The following POU6F2 variants were observed in gnomAD, a reference collection of about 807,000 sequenced individuals.
The protein encoded by POU6F2 is POU class 6 homeobox 2.
POU6F2 carries 31 observed loss-of-function variants against 71.3 expected under a neutral mutation model. The observed-to-expected ratio is 0.43, with a 90% CI of 0.33 to 0.59. The LOEUF (loss-of-function observed/expected upper bound fraction) is 0.59. Among genes scored for constraint, POU6F2 ranks in the 20% least tolerant of loss-of-function variants. The probability of loss-of-function intolerance (pLI) is 0.04; values close to 1 mark genes in which losing one functional copy is unlikely to be tolerated. For missense variants in POU6F2, 783 were observed against 856.8 expected, an observed-to-expected ratio of 0.91 and a Z score of 1.07; for synonymous variants, 347 against 355.7, an observed-to-expected ratio of 0.98 and a Z score of 0.27.
At chr7:39,454,657 TATATATATATATATATATA>T (rs1788743801) in intron 8 of POU6F2, among the ~76,000 whole-genome samples, 1 of 260 alleles carries the variant, frequency 3.8e-3, no homozygotes, top group African/African-American at 8.9e-3. Flanking sequence ...AGACCAGGGA[TATATATATATATATATATA>T]TATATATATA....
chr7:39,432,593 A>C (rs947321299), intron 6 of POU6F2, among the ~76,000 whole-genome samples: 4 of 151,984 alleles, frequency 2.6e-5, no homozygotes, highest in African/African-American at 9.7e-5. Flanking sequence ...CCCTCCCCCG[A>C]CATTGAGAGA....
chr7:39,106,762 T>A (rs1791697026), intron 2 of POU6F2, among the ~76,000 whole-genome samples: 1 of 152,220 alleles, frequency 6.6e-6, no homozygotes, highest in Admixed American at 6.5e-5. Flanking sequence ...AGAAAGGATA[T>A]GCAAATTTAT....
chr7:39,270,600 G>A (rs932666338), intron 4 of POU6F2, among the ~76,000 whole-genome samples: 4 of 152,168 alleles, frequency 2.6e-5, no homozygotes, highest in Non-Finnish European at 5.9e-5. Flanking sequence ...GTAATGAAGT[G>A]TATGTGGGGC....
At chr7:39,421,162 T>C (rs947936605) in intron 6 of POU6F2, among the ~76,000 whole-genome samples, 4 of 152,110 alleles carry the variant, frequency 2.6e-5, no homozygotes, top group African/African-American at 9.7e-5. Flanking sequence ...GAAAAACTCA[T>C]CAGCGTAATT....
At chr7:39,015,602 ATGTT>A (rs1789467960) in intron 1 of POU6F2, among the ~76,000 whole-genome samples, 7 of 58,278 alleles carry the variant, frequency 1.2e-4, no homozygotes, top group African/African-American at 5.7e-5. Context: ...AGATATATCT[ATGTT>A]TTATATAGAT....
At chr7:39,157,890 G>C (rs1792904344) in intron 2 of POU6F2, among the ~76,000 whole-genome samples, 2 of 152,160 alleles carry the variant, frequency 1.3e-5, no homozygotes, top group Non-Finnish European at 2.9e-5. Context: ...TAATAAAGCA[G>C]TAAAAATGAA....
rs763410633 is a variant in POU6F2, at chr7:39,339,925, A to G, written c.882A>G (p.Pro294=). 4 of 1,613,668 alleles carry G rather than the reference A, an allele frequency of 2.5e-6. No individual in the cohort carries two copies. Among genetic ancestry groups the G allele is most frequent in the Admixed American group, 3.3e-5 (2 of 59,986 alleles). ...CCCAGAACCAGAACCAACCATCTCC[A>G]ACCCAGCAGAGCTCCAGCCCCCCGC... The part of the protein sequence containing the change: ...SHSQNQNQPS[P]TQQSSSPPQK... Residue 294 remains proline (P), a synonymous_variant, in exon 5 of 10, where the codon CCA becomes CCG. Transcript: ENST00000518318.
intron 1 of POU6F2, among the ~76,000 whole-genome samples, chr7:39,073,930 T>G (rs1462210816): frequency 6.6e-6 from 1 of 152,258 alleles, no homozygotes; most frequent in African/African-American, 2.4e-5. Flanking sequence ...AGATACTGTT[T>G]TAATTCAGAG....
At chr7:39,283,045 G>T (rs914131349) in intron 4 of POU6F2, among the ~76,000 whole-genome samples, 1 of 151,924 alleles carries the variant, frequency 6.6e-6, no homozygotes, top group African/African-American at 2.4e-5. Context: ...TGGAACTATT[G>T]TTAACGGGAT....
chr7:39,392,673 A>G (rs2115839220), intron 5 of POU6F2, among the ~76,000 whole-genome samples: 1 of 152,302 alleles, frequency 6.6e-6, no homozygotes, highest in Non-Finnish European at 1.5e-5. Context: ...ACATTTTGAG[A>G]ACCACGGATG....
At chr7:39,407,979 T>G (rs1787475059) in intron 6 of POU6F2, among the ~76,000 whole-genome samples, 1 of 152,222 alleles carries the variant, frequency 6.6e-6, no homozygotes, top group African/African-American at 2.4e-5. Flanking sequence ...ACAGTAACCT[T>G]TCAATGTCTG....
At chr7:39,171,223 A>G (rs879557283) in intron 2 of POU6F2, among the ~76,000 whole-genome samples, 1 of 151,822 alleles carries the variant, frequency 6.6e-6, no homozygotes, top group African/African-American at 2.4e-5. Context: ...CTGGTGTATG[A>G]TGTTCCCGTC....
In POU6F2 at chr7:39,249,800, C is replaced by T. The variant is rs116294546; in HGVS notation, c.598+42180C>T. ...ACAGCAAATGCAGCTCTCAATCTCC[C>T]GGTGCTTTTAGTGTCAGTCAGAGAG... On this transcript the variant is annotated intron_variant, in intron 4 of 9. Coordinates refer to ENST00000518318, the MANE Select transcript of POU6F2 (RefSeq NM_001370959.1). 1.6e-3 allele frequency among the ~76,000 whole-genome samples: 243 copies of T among 152,252 alleles called. 1 individual carries two copies. The highest frequency in any genetic ancestry group is 5.4e-3 in the African/African-American group (225 of 41,558).
At chr7:39,212,471 C>G (rs1051125144) in intron 4 of POU6F2, among the ~76,000 whole-genome samples, 1 of 152,156 alleles carries the variant, frequency 6.6e-6, no homozygotes, top group Non-Finnish European at 1.5e-5. Flanking sequence ...AAATGACCTC[C>G]TCCTCAAAGC....
chr7:39,119,691 G>A (rs1792003224), intron 2 of POU6F2, among the ~76,000 whole-genome samples: 1 of 152,106 alleles, frequency 6.6e-6, no homozygotes, highest in Admixed American at 6.5e-5. Flanking sequence ...GCATTTTACT[G>A]TTTGATTTTA....
intron 4 of POU6F2, among the ~76,000 whole-genome samples, chr7:39,310,132 G>C (rs1785133757): frequency 6.6e-6 from 1 of 152,118 alleles, no homozygotes; most frequent in South Asian, 2.1e-4. Context: ...GGGCAATCCA[G>C]AGTATATAGC....
chr7:39,341,934 G>A (rs527862548), intron 5 of POU6F2, among the ~76,000 whole-genome samples: 12 of 152,180 alleles, frequency 7.9e-5, no homozygotes, highest in African/African-American at 1.2e-4. Flanking sequence ...ACAGTTTCTC[G>A]TGGAAATCCC....
chr7:39,040,134 AT>A (rs1438944826), intron 1 of POU6F2, among the ~76,000 whole-genome samples: 1 of 15,014 alleles, frequency 6.7e-5, no homozygotes, highest in East Asian at 1.6e-3. Flanking sequence ...ATATATATAT[AT>A]AAATCCCAGA....
intron 4 of POU6F2, among the ~76,000 whole-genome samples, chr7:39,219,413 T>C (rs2128748095): frequency 6.6e-6 from 1 of 152,292 alleles, no homozygotes; most frequent in East Asian, 1.9e-4. Flanking sequence ...GTTTGAGTCC[T>C]TTTTTCCCTT....
Sources: gnomAD v4.1 joint callset for allele counts (sites outside exome capture counted in the v4.1 genomes callset) on GRCh38, gnomAD v4.1.1 for gene constraint, MANE v1.5 for transcripts, NCBI Gene and HGNC (gene_info 2026-07-23, HGNC 2026-07-21) for gene names.